Variants in TNKS1BP1 observed in about 807,000 individuals in gnomAD.
TNKS1BP1 encodes the protein CCR4-NOT transcription complex subunit 12.
TNKS1BP1 carries 48 observed loss-of-function variants against 141.1 expected under a neutral mutation model. That is an observed-to-expected ratio of 0.34 (90% CI 0.27 to 0.43). The LOEUF is 0.43. Among genes scored for constraint, TNKS1BP1 ranks in the 20% least tolerant of loss-of-function variants. The pLI is 1.00. For synonymous variants in TNKS1BP1, 875 were observed against 898.2 expected (o/e 0.97, Z 0.46); for missense variants, 2,149 against 2,226.0 (o/e 0.97, Z 0.70).
rs940302551 is a variant in TNKS1BP1 at position 57,313,841 on chromosome 11, C to G, written c.847G>C (p.Gly283Arg). ...PSSPAPSSENGGPASPGLPAE... is the reference protein window; with the variant it reads ...PSSPAPSSENRGPASPGLPAE... ...GGGAGGCCTGGGCTGGCAGGGCCTC[C>G]ATTCTCTGAGGAGGGGGCTGGACTT... Residue 283 changes from glycine to arginine, a missense_variant, in exon 5 of 12, where the codon GGA becomes CGA. Transcript: ENST00000358252. 2 of 1,527,798 alleles carry G rather than the reference C, an allele frequency of 1.3e-6. No homozygotes were observed. The highest frequency in any genetic ancestry group is 2.7e-5 in the South Asian group (2 of 75,174). 94.6% of individuals were successfully genotyped at this position (1,527,798 alleles called of 1,614,324 possible).
chr11:57,309,276 A>C lies in TNKS1BP1; in HGVS notation c.3435T>G (p.Gly1145=). 1 of 1,614,076 alleles carries C rather than the reference A, an allele frequency of 6.2e-7. No homozygotes were observed. Among genetic ancestry groups the C allele is most frequent in the Non-Finnish European group, 8.5e-7 (1 of 1,180,004 alleles). Residue 1145 remains glycine, a synonymous_variant, in exon 6 of 12, where the codon GGT becomes GGG. Coordinates refer to ENST00000358252, the MANE Select transcript of TNKS1BP1 (RefSeq NM_033396.3). This position sits in a 1 kb window ranked among gnomAD's most constrained non-coding sequence, Gnocchi z 4.3. The stretch of plus-strand genomic sequence containing the variant: ...TCTTCCCAGGAGGCACAAAGTGACC[A>C]CCTTCCATCTTGCTAGAAGGGCTAA... ...AGFSPSSKME[G]GHFVPPGKTT...
chr11:57,322,062 A>G, intron 1 of TNKS1BP1, 112 bp from the exon 2 acceptor site: 1 of 406,646 alleles, frequency 2.5e-6, no homozygotes, highest in South Asian at 3.1e-5. Flanking sequence ...AGGAAGAGAG[A>G]ACTTGGAGTG....
At chr11:57,304,782 G>GA (rs1344021538) in intron 6 of TNKS1BP1, among the ~76,000 whole-genome samples, 1 of 145,172 alleles carries the variant, frequency 6.9e-6, no homozygotes, top group African/African-American at 2.5e-5. Flanking sequence ...TGAGGCAGGA[G>GA]AATCGCTTGA....
Position 57,312,669 on chromosome 11 carries a change from G to A in TNKS1BP1, c.2019C>T (p.Pro673=), listed in dbSNP as rs201651908. 1.5e-4 allele frequency: 242 copies of A among 1,584,152 alleles called. No individual in the cohort carries two copies. Among genetic ancestry groups the A allele is most frequent in the South Asian group, 4.9e-4 (42 of 85,462 alleles). ...TEAQDLCRAS[P]EPPGPESSSR... ...AGCTGCTTTCAGGGCCTGGAGGCTCGGGGGATGCCCTACACAAGTCTTGAG... is the reference window on the plus strand; with the variant it reads ...AGCTGCTTTCAGGGCCTGGAGGCTCAGGGGATGCCCTACACAAGTCTTGAG... Residue 673 remains proline, a synonymous_variant, in exon 5 of 12, where the codon CCC becomes CCT. Coordinates refer to ENST00000358252, the MANE Select transcript of TNKS1BP1 (RefSeq NM_033396.3).
In TNKS1BP1 at chr11:57,316,578, A is replaced by C. The variant is rs1855802535; in HGVS notation, c.798+1240T>G. 2.0e-5 allele frequency among the ~76,000 whole-genome samples: 3 copies of C among 152,218 alleles called. No homozygotes were observed. The South Asian group carries it at 6.2e-4, about 31-fold the overall frequency. ...CATAAACTCATCCTTCCGGTTGCTC[A>C]GGCCAAAAGCCGTGGGGTCACCCTT... On this transcript the variant is annotated intron_variant, in intron 4 of 11. Transcript: ENST00000358252.
intron 1 of TNKS1BP1, among the ~76,000 whole-genome samples, chr11:57,323,749 A>G (rs1223472388): frequency 1.3e-5 from 2 of 152,186 alleles, no homozygotes; most frequent in African/African-American, 4.8e-5. Flanking sequence ...CACATGATAG[A>G]AAAAATAAAA....
Position 57,320,312 on chromosome 11 carries a change from C to CT in TNKS1BP1, c.494_495insA (p.Ala166GlyfsTer25). On this transcript the variant is annotated frameshift_variant, in exon 3 of 12. Coordinates refer to ENST00000358252, the MANE Select transcript of TNKS1BP1 (RefSeq NM_033396.3). LOFTEE classifies it high-confidence loss of function. ...CCTTCCGAGGCTGCTCCATCTTGGC[C>CT]AGGATCTCTTCCACCGTGGTGGCCG... The CT allele has an allele frequency of 6.2e-7, 1 of 1,614,206 alleles. No homozygotes were observed. Among genetic ancestry groups the CT allele is most frequent in the Non-Finnish European group, 8.5e-7 (1 of 1,180,056 alleles).
In TNKS1BP1 at chr11:57,309,374, A is replaced by T. The variant is rs1338692047; in HGVS notation, c.3337T>A (p.Phe1113Ile). 6.2e-7 allele frequency: 1 copy of T among 1,614,176 alleles called. No individual in the cohort carries two copies. Among genetic ancestry groups the T allele is most frequent in the South Asian group, 1.1e-5 (1 of 91,080 alleles). Residue 1113 changes from phenylalanine to isoleucine, a missense_variant, in exon 6 of 12, where the codon TTC (phenylalanine) becomes ATC (isoleucine). Transcript: ENST00000358252. This position sits in a 1 kb window ranked among gnomAD's most constrained non-coding sequence, Gnocchi z 4.3. The part of the protein sequence containing the change: ...SPGQQDWSRD[F>I]CIEASERSYQ... ...CTCCTCTCACTGGCCTCGATGCAGAAGTCCCGGCTCCAGTCCTGCTGCCCT... is the reference window on the plus strand; with the variant it reads ...CTCCTCTCACTGGCCTCGATGCAGATGTCCCGGCTCCAGTCCTGCTGCCCT...
At position 57,304,357 on chromosome 11, in the gene TNKS1BP1, T is replaced by C. The variant is rs372895121; in HGVS notation, c.4317-1532A>G. The stretch of plus-strand genomic sequence containing the variant: ...AATTAAAGTGGTCTGGGGAGAGACA[T>C]TGGGGGAGGAGGCAGTGGCGGCAGC... On this transcript the variant is annotated intron_variant, in intron 6 of 11. Transcript: ENST00000358252. Among the ~76,000 whole-genome samples the C allele has an allele frequency of 3.3e-5, 5 of 152,038 alleles. 1 individual carries two copies. Among genetic ancestry groups the C allele is most frequent in the African/African-American group, 2.4e-5 (1 of 41,472 alleles).
chr11:57,322,300 G>C (rs1350701564), intron 1 of TNKS1BP1: 4 of 1,006,012 alleles, frequency 4.0e-6, no homozygotes, highest in Non-Finnish European at 4.8e-6. Flanking sequence ...AGCAGAGCTA[G>C]AGAGCTGCAA....
At chr11:57,320,734 T>TG in intron 2 of TNKS1BP1, 22 bp from the exon 3 acceptor site, 1 of 1,532,432 alleles carries the variant, frequency 6.5e-7, no homozygotes, top group Non-Finnish European at 8.7e-7. Flanking sequence ...AAAGGGTTGG[T>TG]GGGGGAGCTG....
In TNKS1BP1 at chr11:57,308,482, T is replaced by C. The variant is rs768243202; in HGVS notation, c.4229A>G (p.Gln1410Arg). The C allele has an allele frequency of 6.2e-6, 10 of 1,614,050 alleles. No individual in the cohort carries two copies. ...GVGETSGPET[Q>R]GEDYSSSSLE... ...GGAAGACGAGGAGTAATCTTCACCC[T>C]GGGTCTCTGGCCCACTTGTCTCACC... The change falls in exon 6 of 12, where the codon CAG (glutamine) becomes CGG (arginine). Residue 1410 changes from glutamine (Q) to arginine (R), a missense_variant. Coordinates refer to ENST00000358252, the MANE Select transcript of TNKS1BP1 (RefSeq NM_033396.3).
chr11:57,320,022 A>ACCC, intron 3 of TNKS1BP1, 57 bp downstream of exon 3: 4 of 1,118,680 alleles, frequency 3.6e-6, no homozygotes, highest in Non-Finnish European at 3.9e-6. Flanking sequence ...CCCCCACCCA[A>ACCC]TCCCACCCCA....
chr11:57,320,597 A>G lies in TNKS1BP1; in HGVS notation c.210T>C (p.Gly70=). Residue 70 remains glycine (G), a synonymous_variant, in exon 3 of 12, where the codon GGT becomes GGC. Transcript: ENST00000358252. ...TGGCAGAAGGCAACTCAGCCAGGGGACCCCGGGGAGGCCGAGGCCCAACAG... is the reference window on the plus strand; with the variant it reads ...TGGCAGAAGGCAACTCAGCCAGGGGGCCCCGGGGAGGCCGAGGCCCAACAG... The part of the protein sequence containing the change: ...LVPVGPRPPR[G]PLAELPSARK... 6.2e-7 allele frequency: 1 copy of G among 1,613,636 alleles called. No homozygotes were observed. The highest frequency in any genetic ancestry group is 8.5e-7 in the Non-Finnish European group (1 of 1,179,916).
intron 2 of TNKS1BP1, 55 bp from the exon 3 acceptor site, chr11:57,320,767 CTTCT>C (rs1855873904): frequency 6.0e-6 from 9 of 1,491,076 alleles, no homozygotes; most frequent in South Asian, 2.7e-5. Flanking sequence ...GGAAGCAGAA[CTTCT>C]TTGTTTCCTG....
chr11:57,309,502 C>T lies in TNKS1BP1; in HGVS notation c.3209G>A (p.Gly1070Asp), dbSNP rs775652874. Residue 1070 changes from glycine to aspartate, a missense_variant, in exon 6 of 12, where the codon GGC becomes GAC. Gly to Asp is a moderately conservative substitution (Grantham distance 94). Transcript: ENST00000358252. This position sits in a 1 kb window ranked among gnomAD's most constrained non-coding sequence, Gnocchi z 4.3. ...ATCTTCCAGGTCAGCACTGCCAGGG[C>T]CCTGAGCCCCTGCCTGCTGTCTCTC... ...HQERQQAGAQ[G>D]PGSADLEDGE... 2 of 1,613,838 alleles carry T rather than the reference C, an allele frequency of 1.2e-6. No individual in the cohort carries two copies. Among genetic ancestry groups the T allele is most frequent in the South Asian group, 2.2e-5 (2 of 91,078 alleles).
chr11:57,309,958 T>C lies in TNKS1BP1; in HGVS notation c.2753A>G (p.Tyr918Cys). 6.2e-7 allele frequency: 1 copy of C among 1,614,100 alleles called. No individual in the cohort carries two copies. Among genetic ancestry groups the C allele is most frequent in the Non-Finnish European group, 8.5e-7 (1 of 1,179,938 alleles). ...DLGKRDHHGR[Y>C]SSQDADEQDW... ...CTGCTCATCGGCATCCTGGCTGCTGTACCTACCATGGTGGTCCCTCTTCCC... is the reference window on the plus strand; with the variant it reads ...CTGCTCATCGGCATCCTGGCTGCTGCACCTACCATGGTGGTCCCTCTTCCC... Residue 918 changes from tyrosine to cysteine, a missense_variant, in exon 6 of 12, where the codon TAC (tyrosine) becomes TGC (cysteine). By Grantham distance (194) the Tyr-to-Cys change is radical. Coordinates refer to ENST00000358252, the MANE Select transcript of TNKS1BP1 (RefSeq NM_033396.3). This position sits in a 1 kb window ranked among gnomAD's most constrained non-coding sequence, Gnocchi z 4.3.
At chr11:57,322,452 G>T in intron 1 of TNKS1BP1, 2 of 302,918 alleles carry the variant, frequency 6.6e-6, no homozygotes, top group Non-Finnish European at 9.7e-6. Context: ...GCTGGGAGTG[G>T]TTCCTTCTCC....
At position 57,309,308 on chromosome 11, in the gene TNKS1BP1, C is replaced by G; in HGVS notation, c.3403G>C (p.Ala1135Pro). Residue 1135 changes from alanine to proline, a missense_variant, in exon 6 of 12, where the codon GCT becomes CCT. By Grantham distance (27) the Ala-to-Pro change is conservative. Transcript: ENST00000358252. The surrounding 1 kb of genome is among the most constrained non-coding windows in gnomAD (Gnocchi z 4.3). ...ATCTTGCTAGAAGGGCTAAAGCCAG[C>G]ACCACTCACTCTGTCGTTGCCAATG... Reference protein sequence around the residue: ...GIIGNDRVSGAGFSPSSKMEG... With the variant: ...GIIGNDRVSGPGFSPSSKMEG... 1.2e-6 allele frequency: 2 copies of G among 1,614,160 alleles called. No homozygotes were observed. The highest frequency in any genetic ancestry group is 8.5e-7 in the Non-Finnish European group (1 of 1,180,042).
Sources: allele counts gnomAD v4.1 joint callset (sites outside exome capture counted in the v4.1 genomes callset), GRCh38; gene constraint gnomAD v4.1.1; non-coding constraint Gnocchi (gnomAD v3.1); transcripts MANE v1.5; gene names NCBI Gene and HGNC (gene_info 2026-07-23, HGNC 2026-07-21).